The following PKHD1 variants were observed in gnomAD, a reference collection of about 807,000 sequenced individuals.
PKHD1 encodes the protein fibrocystin.
A neutral mutation model predicts 412.0 loss-of-function variants in PKHD1; 291 were observed. The ratio of observed to expected loss-of-function variants is 0.71; its 90% CI spans 0.64 to 0.78. The LOEUF is 0.78. Ranked by LOEUF, PKHD1 falls within the 30% of genes least tolerant of loss-of-function variation. The probability of loss-of-function intolerance (pLI) is 0.00; values close to 1 mark genes in which losing one functional copy is unlikely to be tolerated. For synonymous variants in PKHD1, 1,777 were observed against 1,821.5 expected, an observed-to-expected ratio of 0.98 and a Z score of 0.62; for missense variants, 4,825 against 4,950.7, an observed-to-expected ratio of 0.97 and a Z score of 0.76.
chr6:51,690,417 T>C (rs1033173614), intron 60 of PKHD1, among the ~76,000 whole-genome samples: 1 of 151,750 alleles, frequency 6.6e-6, no homozygotes, highest in South Asian at 2.1e-4. Context: ...CTTCAAACTA[T>C]ACTACAGGCC....
intron 35 of PKHD1, among the ~76,000 whole-genome samples, chr6:51,970,863 T>C (rs972227188): frequency 6.6e-6 from 1 of 152,244 alleles, no homozygotes; most frequent in African/African-American, 2.4e-5. Context: ...CCTTGCAGTA[T>C]AATTCGAAGT....
chr6:51,998,923 A>G lies in PKHD1; in HGVS notation c.5751+11386T>C, dbSNP rs536542138. Among the ~76,000 whole-genome samples, 28 of 152,292 alleles carry G rather than the reference A, an allele frequency of 1.8e-4. No homozygotes were observed. The East Asian group carries it at 4.6e-3, about 25-fold the overall frequency. ...AAAGGGACTTTGTGGCATTGTTGGGATATCCACAACCCTGCCACTAGTCTA... is the reference window on the plus strand; with the variant it reads ...AAAGGGACTTTGTGGCATTGTTGGGGTATCCACAACCCTGCCACTAGTCTA... On this transcript the variant is annotated intron_variant, in intron 35 of 66. Coordinates refer to ENST00000371117, the MANE Select transcript of PKHD1 (RefSeq NM_138694.4).
intron 29 of PKHD1, among the ~76,000 whole-genome samples, chr6:52,032,616 A>T (rs1803230606): frequency 6.6e-6 from 1 of 152,250 alleles, no homozygotes; most frequent in Non-Finnish European, 1.5e-5. Flanking sequence ...ACCTGTGTTC[A>T]AATCTTAGAT....
chr6:52,019,019 G>C (rs535314588), intron 33 of PKHD1, among the ~76,000 whole-genome samples: 7 of 152,194 alleles, frequency 4.6e-5, no homozygotes, highest in Middle Eastern at 3.4e-3. Flanking sequence ...CTGACTCTCA[G>C]GCCATTTTTT....
chr6:52,039,338 TC>T (rs1804454033), intron 27 of PKHD1, among the ~76,000 whole-genome samples: 5 of 151,828 alleles, frequency 3.3e-5, no homozygotes, highest in African/African-American at 1.2e-4. Context: ...GATGATTGCA[TC>T]ATGGGGGCAG....
intron 35 of PKHD1, among the ~76,000 whole-genome samples, chr6:51,966,704 C>T (rs1041562700): frequency 1.1e-4 from 16 of 152,094 alleles, no homozygotes; most frequent in African/African-American, 3.6e-4. Context: ...TTATTGAGCA[C>T]CCACTACACA....
intron 37 of PKHD1, among the ~76,000 whole-genome samples, chr6:51,921,818 A>G (rs932292001): frequency 6.6e-6 from 1 of 152,186 alleles, no homozygotes; most frequent in South Asian, 2.1e-4. Flanking sequence ...TATTCTAGTT[A>G]GCCATTCATC....
intron 52 of PKHD1, 24 bp from the exon 53 acceptor site, chr6:51,791,397 C>T (rs1323306104): frequency 6.2e-7 from 1 of 1,610,706 alleles, no homozygotes; most frequent in Non-Finnish European, 8.5e-7. Context: ...AGAAATTGCT[C>T]AGATATGTCA....
At chr6:51,788,194 G>C (rs978753175) in intron 53 of PKHD1, among the ~76,000 whole-genome samples, 2 of 152,118 alleles carry the variant, frequency 1.3e-5, no homozygotes, top group African/African-American at 4.8e-5. Context: ...TAAAGAGCAG[G>C]AATTAGAGCT....
intron 52 of PKHD1, among the ~76,000 whole-genome samples, chr6:51,804,060 G>A (rs971920056): frequency 6.6e-6 from 1 of 151,354 alleles, no homozygotes; most frequent in Admixed American, 6.6e-5. Flanking sequence ...AGTCCTTTTA[G>A]TATTTGCTTG....
intron 52 of PKHD1, among the ~76,000 whole-genome samples, chr6:51,796,320 T>C (rs1235921301): frequency 5.3e-5 from 8 of 152,162 alleles, no homozygotes; most frequent in Admixed American, 5.2e-4. Context: ...TCCCTGAGGG[T>C]TGTTTGTGTT....
rs1015481760 is a variant in PKHD1 at position 52,017,717 on chromosome 6, C to T, written c.5381-88G>A. Reference sequence around the variant, plus strand: ...TCACAAATGAAGTTCCTGTGTCCTCCTTTGACCAATAGGAATATGAAGTTA... The same window carrying T: ...TCACAAATGAAGTTCCTGTGTCCTCTTTTGACCAATAGGAATATGAAGTTA... On this transcript the variant is annotated intron_variant, in intron 33 of 66. Transcript: ENST00000371117. 66 of 949,016 alleles carry T rather than the reference C, an allele frequency of 7.0e-5. 1 individual carries two copies. The Admixed American group carries it at 1.1e-3, about 16-fold the overall frequency. The allele number at this position is 949,016 out of a possible 1,614,324, so 58.8% of individuals were successfully genotyped here. A position where few individuals can be genotyped will look rare whatever the true frequency, so the allele number is the denominator to read the frequency against.
Position 52,043,020 on chromosome 6 carries a change from G to A in PKHD1, c.2936C>T (p.Thr979Ile), listed in dbSNP as rs747895516. The change falls in exon 27 of 67, where the codon ACC becomes ATC. Residue 979 changes from threonine to isoleucine, a missense_variant. Thr to Ile is a moderately conservative substitution (Grantham distance 89, BLOSUM62 -1). Transcript: ENST00000371117. ...TSCKVIFSNQ[T>I]NVVCQTDLLP... ...CAAATCTGTCTGACAGACTACATTGGTCTGGTTTGAGAAAATAACTTTGCA... is the reference window on the plus strand; with the variant it reads ...CAAATCTGTCTGACAGACTACATTGATCTGGTTTGAGAAAATAACTTTGCA... The A allele has an allele frequency of 5.5e-5, 89 of 1,613,920 alleles. 1 individual carries two copies. The highest frequency in any genetic ancestry group is 7.4e-5 in the Non-Finnish European group (87 of 1,179,934).
intron 60 of PKHD1, among the ~76,000 whole-genome samples, chr6:51,741,730 T>C (rs2150949389): frequency 6.6e-6 from 1 of 152,338 alleles, no homozygotes; most frequent in East Asian, 1.9e-4. Flanking sequence ...TTCCTCATTT[T>C]CCTACTGGTG....
At chr6:51,944,205 T>C (rs1265764018) in intron 36 of PKHD1, among the ~76,000 whole-genome samples, 1 of 152,140 alleles carries the variant, frequency 6.6e-6, no homozygotes, top group Non-Finnish European at 1.5e-5. Context: ...TCATCCTGGC[T>C]CAAAAAGCTC....
At chr6:52,039,866 T>C (rs781627460) in intron 27 of PKHD1, among the ~76,000 whole-genome samples, 11 of 152,144 alleles carry the variant, frequency 7.2e-5, no homozygotes, top group East Asian at 1.9e-4. Flanking sequence ...ATGCACATGA[T>C]GAGATGGATG....
At chr6:51,633,182 G>A (rs1233258951) in intron 64 of PKHD1, among the ~76,000 whole-genome samples, 4 of 152,142 alleles carry the variant, frequency 2.6e-5, no homozygotes, top group African/African-American at 9.7e-5. Context: ...TATTGTCTTA[G>A]AGAGTTATGT....
intron 60 of PKHD1, among the ~76,000 whole-genome samples, chr6:51,709,251 A>G (rs1780365123): frequency 6.6e-6 from 1 of 152,202 alleles, no homozygotes; most frequent in Non-Finnish European, 1.5e-5. Context: ...AGTCTCAGTA[A>G]ACATTTGTTG....
chr6:51,642,284 C>T (rs1016667873), intron 63 of PKHD1, among the ~76,000 whole-genome samples: 6 of 151,922 alleles, frequency 3.9e-5, no homozygotes, highest in Non-Finnish European at 5.9e-5. Flanking sequence ...AAGTAAGGTA[C>T]TGGGTATAAA....
Sources: allele counts gnomAD v4.1 joint callset (sites outside exome capture counted in the v4.1 genomes callset), GRCh38; gene constraint gnomAD v4.1.1; transcripts MANE v1.5; gene names NCBI Gene and HGNC (gene_info 2026-07-23, HGNC 2026-07-21).